Variants in SLC25A26 observed in about 807,000 individuals in gnomAD.
SLC25A26 encodes mitochondrial S-adenosylmethionine carrier protein.
Under a neutral mutation model 37.8 loss-of-function variants are expected in SLC25A26, and 36 were observed. The observed-to-expected ratio is 0.95, with a 90% CI of 0.73 to 1.26. The LOEUF (loss-of-function observed/expected upper bound fraction) is 1.26. Ranked by LOEUF, SLC25A26 falls within the 50% of genes most tolerant of loss-of-function variation. The pLI, the probability that SLC25A26 is intolerant of heterozygous loss-of-function variation, is 0.00. For synonymous variants in SLC25A26, 129 were observed against 122.5 expected, an observed-to-expected ratio of 1.05 and a Z score of -0.35; for missense variants, 390 against 331.1, an observed-to-expected ratio of 1.18 and a Z score of -1.38.
intron 5 of SLC25A26, among the ~76,000 whole-genome samples, chr3:66,295,969 T>C (rs1271993180): frequency 6.6e-6 from 1 of 151,776 alleles, no homozygotes; most frequent in Non-Finnish European, 1.5e-5. Flanking sequence ...ATACAAAAAT[T>C]AGCTGGGCAT....
intron 5 of SLC25A26, among the ~76,000 whole-genome samples, chr3:66,310,308 A>G (rs956066591): frequency 6.6e-6 from 1 of 152,160 alleles, no homozygotes; most frequent in African/African-American, 2.4e-5. Context: ...TTTGTCAGAG[A>G]CAAGGATTGC....
At chr3:66,371,734 G>A (rs1700354612) in intron 9 of SLC25A26, among the ~76,000 whole-genome samples, 1 of 152,138 alleles carries the variant, frequency 6.6e-6, no homozygotes, top group Admixed American at 6.5e-5. Flanking sequence ...TCTGCTGCCA[G>A]TTCCACAGCA....
intron 5 of SLC25A26, among the ~76,000 whole-genome samples, chr3:66,330,752 A>G (rs2075955632): frequency 6.6e-6 from 1 of 152,074 alleles, no homozygotes; most frequent in Non-Finnish European, 1.5e-5. Context: ...GAATGCCATG[A>G]ATGATTCTGT....
At chr3:66,159,629 G>A (rs954224264) in intron 1 of SLC25A26, among the ~76,000 whole-genome samples, 1 of 152,164 alleles carries the variant, frequency 6.6e-6, no homozygotes, top group Non-Finnish European at 1.5e-5. Flanking sequence ...TCCTCCCGTG[G>A]TAATTGCTGT....
At chr3:66,306,619 C>T (rs1216395489) in intron 5 of SLC25A26, among the ~76,000 whole-genome samples, 1 of 152,086 alleles carries the variant, frequency 6.6e-6, no homozygotes, top group Non-Finnish European at 1.5e-5. Context: ...TTAAGCCCCA[C>T]ATGCGTTAGG....
Position 66,238,215 on chromosome 3 carries a change from G to C in SLC25A26, c.190+1515G>C, listed in dbSNP as rs1488930795. On this transcript the variant is annotated intron_variant, in intron 2 of 9. Transcript: ENST00000354883. ...TGACCCTCGAACAATTTGGCAGTTAGGGGTGTCGATCCCCTGTGCAGTCAA... is the reference window on the plus strand; with the variant it reads ...TGACCCTCGAACAATTTGGCAGTTACGGGTGTCGATCCCCTGTGCAGTCAA... Among the ~76,000 whole-genome samples the C allele has an allele frequency of 3.9e-5, 6 of 152,206 alleles. No homozygotes were observed. In the East Asian group the frequency reaches 1.2e-3, roughly 29 times the overall value.
chr3:66,268,063 C>T (rs1196058720), intron 5 of SLC25A26, among the ~76,000 whole-genome samples: 4 of 152,160 alleles, frequency 2.6e-5, no homozygotes, highest in African/African-American at 9.7e-5. Context: ...TTTGTTGCTG[C>T]TTTCTAACCT....
chr3:66,139,441 T>C (rs536252642), intron 1 of SLC25A26, among the ~76,000 whole-genome samples: 1 of 152,336 alleles, frequency 6.6e-6, no homozygotes, highest in African/African-American at 2.4e-5. Flanking sequence ...CCATAATTTA[T>C]AGTGATTTAG....
chr3:66,321,520 A>T (rs2075693089), intron 5 of SLC25A26, among the ~76,000 whole-genome samples: 1 of 152,074 alleles, frequency 6.6e-6, no homozygotes, highest in South Asian at 2.1e-4. Context: ...TTCTTTATAA[A>T]CCATCATGCT....
In SLC25A26 at chr3:66,369,497, C is replaced by T; in HGVS notation, c.588C>T (p.Val196=). 6.2e-7 allele frequency: 1 copy of T among 1,605,172 alleles called. No individual in the cohort carries two copies. Among genetic ancestry groups the T allele is most frequent in the Non-Finnish European group, 8.5e-7 (1 of 1,175,904 alleles). The change falls in exon 8 of 10, where the codon GTC becomes GTT. Residue 196 remains valine (V), a synonymous_variant. Coordinates refer to ENST00000354883, the MANE Select transcript of SLC25A26 (RefSeq NM_001379210.1). The part of the protein sequence containing the change: ...GAFAGGFAAA[V]TTPLDVAKTR... Reference sequence around the variant, plus strand: ...GTACAGGTGGATTTGCCGCTGCAGTCACCACCCCTCTAGACGTGGCAAAGA... The same window carrying T: ...GTACAGGTGGATTTGCCGCTGCAGTTACCACCCCTCTAGACGTGGCAAAGA...
intron 1 of SLC25A26, among the ~76,000 whole-genome samples, chr3:66,230,209 C>G (rs1462519851): frequency 6.6e-6 from 1 of 152,044 alleles, no homozygotes; most frequent in Non-Finnish European, 1.5e-5. Flanking sequence ...GGTTTCTACT[C>G]TGAAGGATCT....
chr3:66,305,935 C>G (rs1422788219), intron 5 of SLC25A26, among the ~76,000 whole-genome samples: 65 of 152,102 alleles, frequency 4.3e-4, no homozygotes, highest in Admixed American at 4.3e-3. Context: ...TAAAAGCATT[C>G]CTGTCTTTCC....
intron 1 of SLC25A26, among the ~76,000 whole-genome samples, chr3:66,197,580 G>A (rs911302212): frequency 1.3e-5 from 2 of 152,120 alleles, no homozygotes. Flanking sequence ...GTAAGCAAGG[G>A]TCAAGGTCAA....
intron 5 of SLC25A26, among the ~76,000 whole-genome samples, chr3:66,321,763 T>C (rs1051774917): frequency 2.0e-5 from 3 of 152,054 alleles, no homozygotes; most frequent in Admixed American, 6.6e-5. Flanking sequence ...TTTTTTTTTT[T>C]TTCTTATTTT....
chr3:66,211,772 C>T (rs1559578990), intron 1 of SLC25A26, among the ~76,000 whole-genome samples: 1 of 152,246 alleles, frequency 6.6e-6, no homozygotes, highest in East Asian at 1.9e-4. Context: ...AAATGCATTC[C>T]ATCTCTTCTG....
chr3:66,274,684 A>C (rs1437096551), intron 5 of SLC25A26, among the ~76,000 whole-genome samples: 2 of 152,256 alleles, frequency 1.3e-5, no homozygotes, highest in Non-Finnish European at 2.9e-5. Context: ...ATAAATGCAA[A>C]TCAAAACCAC....
intron 5 of SLC25A26, among the ~76,000 whole-genome samples, chr3:66,343,976 G>T (rs1023639055): frequency 3.9e-5 from 6 of 152,096 alleles, no homozygotes; most frequent in African/African-American, 7.2e-5. Flanking sequence ...TCGACATTCG[G>T]GGGGGCTGGC....
chr3:66,226,892 G>A (rs565258690), intron 1 of SLC25A26, among the ~76,000 whole-genome samples: 163 of 152,224 alleles, frequency 1.1e-3, no homozygotes, highest in African/African-American at 3.7e-3. Context: ...ATATATAGGG[G>A]AAAAATTGCA....
intron 6 of SLC25A26, among the ~76,000 whole-genome samples, 188 bp downstream of exon 6, chr3:66,346,596 T>G (rs1283184452): frequency 6.6e-6 from 1 of 152,188 alleles, no homozygotes; most frequent in Non-Finnish European, 1.5e-5. Flanking sequence ...GTGGCTGTGC[T>G]CCTAGGAAAT....
Sources: allele counts gnomAD v4.1 joint callset (sites outside exome capture counted in the v4.1 genomes callset), GRCh38; gene constraint gnomAD v4.1.1; transcripts MANE v1.5; gene names NCBI Gene and HGNC (gene_info 2026-07-23, HGNC 2026-07-21).